DNAH3: variants seen among roughly 807,000 people sequenced by gnomAD.
DNAH3 encodes dynein axonemal heavy chain 3, also known as axonemal beta dynein heavy chain 3.
In DNAH3, 332 loss-of-function variants were observed where a neutral mutation model predicts 432.5. The observed-to-expected ratio is 0.77, with a 90% CI of 0.70 to 0.84. The LOEUF (loss-of-function observed/expected upper bound fraction) is 0.84, where lower values mean the gene tolerates loss of function less well. Ranked by LOEUF, DNAH3 falls within the 40% of genes least tolerant of loss-of-function variation. DNAH3 has a pLI of 0.00. For synonymous variants in DNAH3, 1,956 were observed against 1,900.2 expected (o/e 1.03, Z -0.76); for missense variants, 4,861 against 5,114.0 (o/e 0.95, Z 1.51).
intron 25 of DNAH3, among the ~76,000 whole-genome samples, chr16:21,061,859 T>C (rs1597277706): frequency 6.6e-6 from 1 of 152,234 alleles, no homozygotes; most frequent in African/African-American, 2.4e-5. Context: ...ACTGTAGCTA[T>C]TGACTTCAGG....
intron 8 of DNAH3, among the ~76,000 whole-genome samples, chr16:21,125,985 A>G (rs928314151): frequency 6.6e-6 from 1 of 152,178 alleles, no homozygotes; most frequent in African/African-American, 2.4e-5. Context: ...CATCTCTACA[A>G]AAACAAACAA....
rs575106792 is a variant in DNAH3, at chr16:21,063,343, G to A, written c.3519-660C>T. On this transcript the variant is annotated intron_variant, in intron 24 of 61. Coordinates refer to ENST00000261383, the Ensembl canonical transcript of DNAH3. ...TGAGAACCACTGGGTAGGGGCAGGA[G>A]AGAGAGACTTCCTTGTCTTTCCTTC... 3.6e-4 allele frequency among the ~76,000 whole-genome samples: 55 copies of A among 152,212 alleles called. No homozygotes were observed. The East Asian group carries it at 9.8e-3, about 27-fold the overall frequency.
Position 21,112,046 on chromosome 16 carries a change from G to A in DNAH3, c.1867C>T (p.Gln623Ter). 6.2e-7 allele frequency: 1 copy of A among 1,613,750 alleles called. No homozygotes were observed. The highest frequency in any genetic ancestry group is 8.5e-7 in the Non-Finnish European group (1 of 1,179,884). Residue 623 changes from glutamine (Q) to a stop codon, truncating the protein, a stop_gained, in exon 13 of 62, where the codon CAA becomes TAA. Coordinates refer to ENST00000261383, the Ensembl canonical transcript of DNAH3. LOFTEE classifies it high-confidence loss of function. ...TCTTTCAGGAACGCAGCGATGTTTTGCTCTGCCGTGTTATCCAATAAGTCA... is the reference window on the plus strand; with the variant it reads ...TCTTTCAGGAACGCAGCGATGTTTTACTCTGCCGTGTTATCCAATAAGTCA...
At chr16:20,977,706 C>T (rs1271210848) in intron 50 of DNAH3, among the ~76,000 whole-genome samples, 1 of 152,216 alleles carries the variant, frequency 6.6e-6, no homozygotes, top group Admixed American at 6.5e-5. Flanking sequence ...TCTCTGTGTC[C>T]TGGCTTCTTT....
At chr16:21,122,557 A>G (rs2092366502) in intron 9 of DNAH3, among the ~76,000 whole-genome samples, 1 of 152,164 alleles carries the variant, frequency 6.6e-6, no homozygotes. Context: ...CATCTCAAAA[A>G]AATAAAAAAC....
intron 52 of DNAH3, among the ~76,000 whole-genome samples, chr16:20,968,456 T>C (rs2085159968): frequency 6.6e-6 from 1 of 152,046 alleles, no homozygotes; most frequent in African/African-American, 2.4e-5. Context: ...AGGCAGGAAA[T>C]AGATTTGGAG....
intron 56 of DNAH3, among the ~76,000 whole-genome samples, chr16:20,951,597 C>A (rs1438628316): frequency 6.6e-6 from 1 of 151,950 alleles, no homozygotes. Flanking sequence ...GCATGTGTCA[C>A]CACGCCTGGC....
intron 18 of DNAH3, among the ~76,000 whole-genome samples, chr16:21,093,862 T>C (rs2091605797): frequency 6.6e-6 from 1 of 152,168 alleles, no homozygotes; most frequent in African/African-American, 2.4e-5. Context: ...GACATTTATA[T>C]GTAAGACAAT....
intron 28 of DNAH3, 108 bp downstream of exon 28, chr16:21,054,312 A>G (rs2090057887): frequency 1.3e-6 from 1 of 797,170 alleles, no homozygotes; most frequent in African/African-American, 1.7e-5. Context: ...AGCTCTCCCT[A>G]ATGAGGAAGG....
intron 48 of DNAH3, among the ~76,000 whole-genome samples, chr16:20,983,399 T>C (rs993542573): frequency 6.6e-6 from 1 of 152,200 alleles, no homozygotes; most frequent in African/African-American, 2.4e-5. Context: ...GTGCTGGGAT[T>C]ACAGGCGTGA....
intron 25 of DNAH3, 76 bp downstream of exon 25, chr16:21,062,406 C>T (rs4783378): frequency 0.1 from 128,312 of 1,242,188 alleles, 7,065 homozygotes; most frequent in East Asian, 0.15. Flanking sequence ...GGTGCTTAGT[C>T]CCAGTGCTTA....
intron 37 of DNAH3, among the ~76,000 whole-genome samples, chr16:21,030,806 C>A (rs1197252260): frequency 6.6e-6 from 1 of 152,090 alleles, no homozygotes; most frequent in Non-Finnish European, 1.5e-5. Flanking sequence ...CTGATGCCAG[C>A]ACTAAGGCTC....
chr16:20,983,122 T>G (rs181264214), intron 48 of DNAH3, among the ~76,000 whole-genome samples: 2 of 152,034 alleles, frequency 1.3e-5, no homozygotes, highest in African/African-American at 4.8e-5. Context: ...TTAAAAAAAA[T>G]TTTAATTTTT....
At chr16:21,145,129 A>C in intron 3 of DNAH3, 52 bp downstream of exon 4, 1 of 1,419,720 alleles carries the variant, frequency 7.0e-7, no homozygotes, top group Non-Finnish European at 9.7e-7. Context: ...TAAATAAATA[A>C]AAATTTCCTC....
chr16:21,131,325 A>G (rs1281248454), intron 7 of DNAH3, among the ~76,000 whole-genome samples: 2 of 152,006 alleles, frequency 1.3e-5, no homozygotes, highest in South Asian at 2.1e-4. Context: ...AAGCTTGTCT[A>G]AAACAAGAAA....
intron 1 of DNAH3, chr16:21,150,344 T>A (rs1364374327): frequency 2.2e-6 from 1 of 453,580 alleles, no homozygotes; most frequent in East Asian, 7.0e-5. Context: ...TTGTAGCTAT[T>A]TTTTTAAAAT....
chr16:21,096,195 C>T (rs2091674475), intron 18 of DNAH3, among the ~76,000 whole-genome samples: 1 of 150,486 alleles, frequency 6.6e-6, no homozygotes, highest in South Asian at 2.1e-4. Flanking sequence ...GTGTAGTAAG[C>T]AGATCATAGC....
At chr16:21,089,305 T>C (rs1189600806) in intron 18 of DNAH3, among the ~76,000 whole-genome samples, 2 of 152,190 alleles carry the variant, frequency 1.3e-5, no homozygotes, top group African/African-American at 4.8e-5. Context: ...TGCTTATCCA[T>C]GGAGAGGGAT....
At chr16:20,964,313 G>A (rs935498187) in exon 53 of DNAH3, 3 of 1,614,076 alleles carry the variant, frequency 1.9e-6, no homozygotes, top group Non-Finnish European at 2.5e-6. Context: ...AAGTTGAGGA[G>A]ACAGACCTTC....
Sources: gnomAD v4.1 joint callset for allele counts (sites outside exome capture counted in the v4.1 genomes callset) on GRCh38, gnomAD v4.1.1 for gene constraint, MANE v1.5 for transcripts, NCBI Gene and HGNC (gene_info 2026-07-23, HGNC 2026-07-21) for gene names.